Variants in FOCAD observed in about 807,000 individuals in gnomAD.
The protein encoded by FOCAD is KIAA1797.
Under a neutral mutation model 225.6 loss-of-function variants are expected in FOCAD, and 198 were observed. That is an observed-to-expected ratio of 0.88 (90% confidence interval 0.78 to 0.99). The LOEUF is 0.99. Ranked by LOEUF, FOCAD falls within the 50% of genes least tolerant of loss-of-function variation. The pLI, the probability that FOCAD is intolerant of heterozygous loss-of-function variation, is 0.00. For synonymous variants in FOCAD, 897 were observed against 755.0 expected, an observed-to-expected ratio of 1.19 and a Z score of -3.08; for missense variants, 2,713 against 2,123.6, an observed-to-expected ratio of 1.28 and a Z score of -5.46.
chr9:20,789,646 A>AGCT (rs1563992796), intron 11 of FOCAD, 38 bp downstream of exon 11: 11 of 1,601,890 alleles, frequency 6.9e-6, no homozygotes, highest in South Asian at 2.2e-5. Flanking sequence ...ATGAGAGGAA[A>AGCT]GCTTAATCAT....
At chr9:20,884,697 AG>A (rs993183131) in intron 20 of FOCAD, among the ~76,000 whole-genome samples, 1 of 152,150 alleles carries the variant, frequency 6.6e-6, no homozygotes, top group Admixed American at 6.6e-5. Context: ...GTTAGCTTTT[AG>A]TTATAAATAT....
intron 35 of FOCAD, among the ~76,000 whole-genome samples, chr9:20,968,455 T>TTTTTTTTTTTTTTTTTTTTTTTTG (rs398010456): frequency 7.1e-6 from 1 of 139,990 alleles, no homozygotes; most frequent in African/African-American, 2.8e-5. Flanking sequence ...TTTTTTTTTT[T>TTTTTTTTTTTTTTTTTTTTTTTTG]GGGAGAGTTA....
chr9:20,964,038 T>C (rs576109315), intron 35 of FOCAD, among the ~76,000 whole-genome samples: 5 of 152,276 alleles, frequency 3.3e-5, no homozygotes, highest in Non-Finnish European at 7.4e-5. Flanking sequence ...TAAATGTATT[T>C]ACTTTATTTG....
chr9:20,838,182 A>G (rs976944593), intron 15 of FOCAD, among the ~76,000 whole-genome samples: 1 of 152,092 alleles, frequency 6.6e-6, no homozygotes, highest in African/African-American at 2.4e-5. Flanking sequence ...GGTCTGTACT[A>G]TTAGTTGGAG....
intron 11 of FOCAD, among the ~76,000 whole-genome samples, chr9:20,796,806 G>A: frequency 6.6e-6 from 1 of 151,774 alleles, no homozygotes; most frequent in Non-Finnish European, 1.5e-5. Context: ...CTGTGCAGAA[G>A]CTCTTTAGTT....
intron 21 of FOCAD, among the ~76,000 whole-genome samples, chr9:20,889,113 C>T (rs1831387290): frequency 6.6e-6 from 1 of 152,128 alleles, no homozygotes; most frequent in African/African-American, 2.4e-5. Context: ...AACTGTGTAC[C>T]CATTTGTAGT....
intron 11 of FOCAD, among the ~76,000 whole-genome samples, chr9:20,814,231 A>T (rs1176554903): frequency 6.6e-6 from 1 of 151,150 alleles, no homozygotes; most frequent in African/African-American, 2.4e-5. Flanking sequence ...CATTTTGTTA[A>T]TTGCTTTTGT....
chr9:20,915,043 C>G (rs1296566227), intron 23 of FOCAD, among the ~76,000 whole-genome samples: 4 of 152,134 alleles, frequency 2.6e-5, no homozygotes, highest in Admixed American at 1.3e-4. Flanking sequence ...TATGGCATTT[C>G]CATTTAAGAC....
chr9:20,960,941 G>A (rs1006781974), intron 35 of FOCAD, among the ~76,000 whole-genome samples: 1 of 152,018 alleles, frequency 6.6e-6, no homozygotes, highest in Non-Finnish European at 1.5e-5. Context: ...TTTTATGGCT[G>A]CATAGTATTC....
At chr9:20,842,583 A>G (rs1253704965) in intron 15 of FOCAD, among the ~76,000 whole-genome samples, 1 of 151,790 alleles carries the variant, frequency 6.6e-6, no homozygotes, top group Non-Finnish European at 1.5e-5. Flanking sequence ...TATCTTTTCC[A>G]TCCCCTTTAT....
chr9:20,812,865 T>G (rs905797234), intron 11 of FOCAD, among the ~76,000 whole-genome samples: 8 of 152,212 alleles, frequency 5.3e-5, no homozygotes, highest in African/African-American at 1.4e-4. Flanking sequence ...CAGGATTTTT[T>G]GTGTATGGTA....
chr9:20,799,854 G>A (rs976112038), intron 11 of FOCAD, among the ~76,000 whole-genome samples: 13 of 152,018 alleles, frequency 8.6e-5, no homozygotes, highest in Non-Finnish European at 1.6e-4. Context: ...TACATTTAAG[G>A]TTAATATTGT....
intron 11 of FOCAD, 106 bp from the exon 12 acceptor site, chr9:20,819,686 AATTC>A (rs1282176850): frequency 2.0e-6 from 1 of 510,164 alleles, no homozygotes; most frequent in African/African-American, 2.0e-5. Flanking sequence ...TAAGTCTTCC[AATTC>A]ATTCATATTC....
At chr9:20,967,467 G>A (rs772285147) in intron 35 of FOCAD, among the ~76,000 whole-genome samples, 1 of 152,012 alleles carries the variant, frequency 6.6e-6, no homozygotes, top group Admixed American at 6.6e-5. Flanking sequence ...TGCAAATATA[G>A]TTTTATGTCT....
chr9:20,765,168 C>A, intron 7 of FOCAD, 95 bp downstream of exon 7: 1 of 1,036,154 alleles, frequency 9.7e-7, no homozygotes, highest in Non-Finnish European at 1.4e-6. Context: ...AGTGATTTGG[C>A]AAACTCAGAC....
At chr9:20,672,069 T>C (rs1325236078) in intron 2 of FOCAD, among the ~76,000 whole-genome samples, 1 of 151,994 alleles carries the variant, frequency 6.6e-6, no homozygotes, top group Non-Finnish European at 1.5e-5. Flanking sequence ...CCATAGTGTG[T>C]ACATGGGATA....
intron 3 of FOCAD, 114 bp downstream of exon 3, chr9:20,717,982 G>C: frequency 1.4e-6 from 1 of 695,382 alleles, no homozygotes; most frequent in Non-Finnish European, 2.3e-6. Context: ...AAATGCTTTT[G>C]AACTGTGAGA....
At chr9:20,869,088 A>G (rs1280686472) in intron 18 of FOCAD, among the ~76,000 whole-genome samples, 1 of 152,102 alleles carries the variant, frequency 6.6e-6, no homozygotes, top group Non-Finnish European at 1.5e-5. Flanking sequence ...GTGATGTGAA[A>G]CTGCAGCTCA....
rs1047148052 is a variant in FOCAD, at chr9:20,751,873, C to T, written c.393-6217C>T. On this transcript the variant is annotated intron_variant, in intron 5 of 43. Transcript: ENST00000338382. ...TTCTAACTGGTGTGAGATGGTATCT[C>T]ATTGTGGTTTTGATTTGCATTTCTC... Among the ~76,000 whole-genome samples, 67 of 144,220 alleles carry T rather than the reference C, an allele frequency of 4.6e-4. 1 individual carries two copies. The highest frequency in any genetic ancestry group is 1.6e-3 in the African/African-American group (63 of 39,600). The allele number at this position is 144,220 out of a possible 152,430, so 94.6% of individuals were successfully genotyped here.
Sources: allele counts gnomAD v4.1 joint callset (sites outside exome capture counted in the v4.1 genomes callset), GRCh38; gene constraint gnomAD v4.1.1; transcripts MANE v1.5; gene names NCBI Gene and HGNC (gene_info 2026-07-23, HGNC 2026-07-21).